Variants in FAM185A observed in about 807,000 individuals in gnomAD.
FAM185A encodes the protein family with sequence similarity 185 member A, also known as protein FAM185A.
In FAM185A, 21 loss-of-function variants were observed where a neutral mutation model predicts 45.7. The ratio of observed to expected loss-of-function variants is 0.46; its 90% CI spans 0.33 to 0.66. FAM185A has a LOEUF of 0.66. FAM185A is among the 30% of genes least tolerant of loss of function. FAM185A has a pLI of 0.03. For missense variants in FAM185A, 305 were observed against 485.4 expected (o/e 0.63, Z 3.49); for synonymous variants, 117 against 194.0 (o/e 0.60, Z 3.30).
the FAM185A span, among the ~76,000 whole-genome samples, chr7:102,846,449 T>C: frequency 1.3e-5 from 2 of 151,932 alleles, no homozygotes; most frequent in African/African-American, 4.8e-5. Flanking sequence ...TGAAACACCA[T>C]CTCTACTAAA....
At position 102,806,697 on chromosome 7, in the gene FAM185A, T is replaced by C. The variant is rs576142635; in HGVS notation, c.1067-1593T>C. Among the ~76,000 whole-genome samples, 4 of 152,350 alleles carry C rather than the reference T, an allele frequency of 2.6e-5. 1 individual carries two copies. In the South Asian group the frequency reaches 8.3e-4, roughly 32 times the overall value. On this transcript the variant is annotated intron_variant, in intron 7 of 7. Transcript: ENST00000413034. Reference sequence around the variant, plus strand: ...CTCCAGAGGAGATATAACACCTTCATAACCTTGATTTGTAAAGAAAACGTA... The same window carrying C: ...CTCCAGAGGAGATATAACACCTTCACAACCTTGATTTGTAAAGAAAACGTA...
chr7:102,785,577 G>A (rs1481526015), intron 6 of FAM185A, among the ~76,000 whole-genome samples: 1 of 151,368 alleles, frequency 6.6e-6, no homozygotes, highest in Admixed American at 6.6e-5. Flanking sequence ...CAAGCAATGG[G>A]GAAAGGATTC....
At chr7:102,779,642 T>C (rs370909930) in intron 6 of FAM185A, 47 of 152,234 alleles carry the variant, frequency 3.1e-4, no homozygotes, top group East Asian at 1.5e-3. Context: ...TATGTTGTTA[T>C]GGGAATCTCC....
chr7:102,820,790 C>T, the FAM185A span, among the ~76,000 whole-genome samples: 32 of 152,332 alleles, frequency 2.1e-4, no homozygotes, highest in African/African-American at 7.2e-4. Flanking sequence ...TCCATGATAA[C>T]GGCATTAGTC....
intron 7 of FAM185A, among the ~76,000 whole-genome samples, chr7:102,793,748 T>G (rs1449144418): frequency 6.6e-6 from 1 of 151,328 alleles, no homozygotes; most frequent in Non-Finnish European, 1.5e-5. Flanking sequence ...TTTAAAAATG[T>G]AAAAGCCCGG....
the FAM185A span, among the ~76,000 whole-genome samples, chr7:102,831,079 T>C: frequency 6.6e-6 from 1 of 152,136 alleles, no homozygotes; most frequent in African/African-American, 2.4e-5. Context: ...TTTTAGGTCT[T>C]TCATCTTGGG....
chr7:102,805,990 A>T (rs1225798498), intron 7 of FAM185A, among the ~76,000 whole-genome samples: 2 of 152,162 alleles, frequency 1.3e-5, no homozygotes, highest in East Asian at 1.9e-4. Flanking sequence ...GCTTCCCCTT[A>T]TCTGAAGTCC....
chr7:102,826,750 T>C, the FAM185A span, among the ~76,000 whole-genome samples: 16 of 112,694 alleles, frequency 1.4e-4, 1 homozygote, highest in Non-Finnish European at 2.5e-4. Context: ...TATATATATA[T>C]ATATATATAT....
intron 7 of FAM185A, among the ~76,000 whole-genome samples, chr7:102,800,403 A>C (rs1186726416): frequency 6.6e-6 from 1 of 152,220 alleles, no homozygotes; most frequent in Non-Finnish European, 1.5e-5. Context: ...GAAATCCCTG[A>C]TTTACCTGAA....
At chr7:102,751,471 T>C (rs1793359769) in intron 1 of FAM185A, among the ~76,000 whole-genome samples, 1 of 151,880 alleles carries the variant, frequency 6.6e-6, no homozygotes, top group Non-Finnish European at 1.5e-5. Flanking sequence ...CTTTAGGTGA[T>C]TTAGGCCAGT....
At chr7:102,763,576 G>A (rs1794222538) in intron 4 of FAM185A, among the ~76,000 whole-genome samples, 1 of 152,226 alleles carries the variant, frequency 6.6e-6, no homozygotes, top group South Asian at 2.1e-4. Context: ...GTTGTCTCAA[G>A]CTGGGGTGAG....
At chr7:102,758,499 T>C (rs1417687910) in intron 3 of FAM185A, among the ~76,000 whole-genome samples, 2 of 147,168 alleles carry the variant, frequency 1.4e-5, no homozygotes, top group African/African-American at 2.5e-5. Flanking sequence ...AGGAAGATAG[T>C]TGGTATTTTT....
rs569770295 is a variant in FAM185A at position 102,783,994 on chromosome 7, A to G, written c.932-3341A>G. Among the ~76,000 whole-genome samples the G allele has an allele frequency of 2.6e-5, 4 of 152,358 alleles. No homozygotes were observed. The East Asian group carries it at 5.8e-4, about 22-fold the overall frequency. On this transcript the variant is annotated intron_variant, in intron 6 of 7. Coordinates refer to ENST00000413034, the MANE Select transcript of FAM185A (RefSeq NM_001145268.2). ...CAAATAGATGCAATAAAAAATGACAAAGGGGATATCATCACCGATCCCACA... is the reference window on the plus strand; with the variant it reads ...CAAATAGATGCAATAAAAAATGACAGAGGGGATATCATCACCGATCCCACA...
chr7:102,776,659 G>T (rs1361743921), intron 5 of FAM185A, among the ~76,000 whole-genome samples: 1 of 147,536 alleles, frequency 6.8e-6, no homozygotes, highest in African/African-American at 2.5e-5. Flanking sequence ...CTTGGTCCCA[G>T]GAGTCAGAGA....
chr7:102,802,918 A>G (rs925505273), intron 7 of FAM185A, among the ~76,000 whole-genome samples: 11 of 152,168 alleles, frequency 7.2e-5, no homozygotes, highest in African/African-American at 2.7e-4. Context: ...TTACGCATAT[A>G]AACTAGAAAA....
chr7:102,822,418 G>T, the FAM185A span: 4 of 666,494 alleles, frequency 6.0e-6, no homozygotes, highest in Non-Finnish European at 8.3e-6. Context: ...CTCCTTATTT[G>T]CAGATGCCTC....
intron 3 of FAM185A, among the ~76,000 whole-genome samples, chr7:102,758,833 T>C (rs1044139613): frequency 1.3e-5 from 2 of 149,274 alleles, no homozygotes; most frequent in African/African-American, 4.9e-5. Context: ...ATCACCTTCC[T>C]ACAAATTTGC....
At chr7:102,845,504 G>A in the FAM185A span, among the ~76,000 whole-genome samples, 1 of 152,108 alleles carries the variant, frequency 6.6e-6, no homozygotes, top group Non-Finnish European at 1.5e-5. Flanking sequence ...AATAGATCTT[G>A]GTAGTTCATA....
At chr7:102,835,914 A>T in the FAM185A span, among the ~76,000 whole-genome samples, 1 of 152,196 alleles carries the variant, frequency 6.6e-6, no homozygotes. Context: ...CGGCCCCGAC[A>T]TTGTTTTTCC....
Sources: allele counts gnomAD v4.1 joint callset (sites outside exome capture counted in the v4.1 genomes callset), GRCh38; gene constraint gnomAD v4.1.1; transcripts MANE v1.5; gene names NCBI Gene and HGNC (gene_info 2026-07-23, HGNC 2026-07-21).